The following KIF13B variants were observed in gnomAD, a reference collection of about 807,000 sequenced individuals.
The protein encoded by KIF13B is kinesin family member 13B.
A neutral mutation model predicts 222.0 loss-of-function variants in KIF13B; 127 were observed. The ratio of observed to expected loss-of-function variants is 0.57; its 90% confidence interval spans 0.50 to 0.66. The LOEUF (loss-of-function observed/expected upper bound fraction) is 0.66. Ranked by LOEUF, KIF13B falls within the 30% of genes least tolerant of loss-of-function variation. The probability of loss-of-function intolerance (pLI) is 0.00; values close to 1 mark genes in which losing one functional copy is unlikely to be tolerated. For synonymous variants in KIF13B, 976 were observed against 919.0 expected (o/e 1.06, Z -1.12); for missense variants, 2,173 against 2,379.0 (o/e 0.91, Z 1.80).
At chr8:29,084,790 A>C (rs2133518148) in intron 37 of KIF13B, among the ~76,000 whole-genome samples, 1 of 152,326 alleles carries the variant, frequency 6.6e-6, no homozygotes, top group East Asian at 1.9e-4. Context: ...TCCTTCAATT[A>C]TTTTATGTGC....
In KIF13B at chr8:29,096,293, CTTTTTT is replaced by C. The variant is rs61008499; in HGVS notation, c.4324+2834_4324+2839del. Among the ~76,000 whole-genome samples, 258 of 76,722 alleles carry C rather than the reference CTTTTTT, an allele frequency of 3.4e-3. 2 individuals carry two copies. Among genetic ancestry groups the C allele is most frequent in the African/African-American group, 9.2e-3 (221 of 23,954 alleles). The allele number at this position is 76,722 out of a possible 152,430, so 50.3% of individuals were successfully genotyped here. A position where few individuals can be genotyped will look rare whatever the true frequency, so the allele number is the denominator to read the frequency against. On this transcript the variant is annotated intron_variant, in intron 36 of 39. Transcript: ENST00000524189. ...GCCACTGCACCCAGCCCAAGCTTTT[CTTTTTT>C]TTTTTTTTTTTTTTTTTTGAGAAAG...
At position 29,072,251 on chromosome 8, in the gene KIF13B, G is replaced by A. The variant is rs375860013; in HGVS notation, c.4587C>T (p.Cys1529=). The A allele has an allele frequency of 1.3e-4, 194 of 1,470,162 alleles. No homozygotes were observed. The highest frequency in any genetic ancestry group is 1.6e-4 in the East Asian group (6 of 36,688). 91.1% of individuals were successfully genotyped at this position (1,470,162 alleles called of 1,614,324 possible). A position where few individuals can be genotyped will look rare whatever the true frequency, so the allele number is the denominator to read the frequency against. ...QTMGAPALKI[C]DKPAKVPSPP... ...GGGAAGGCACTTTGGCAGGTTTGTC[G>A]CAGATCTTCAAGGCCGGGGCCCCCA... is the stretch of plus-strand genomic sequence containing the variant. Residue 1529 remains cysteine (C), a synonymous_variant, in exon 39 of 40, where the codon TGC becomes TGT. Transcript: ENST00000524189.
intron 21 of KIF13B, among the ~76,000 whole-genome samples, chr8:29,139,007 G>A (rs1053008209): frequency 6.6e-6 from 1 of 152,136 alleles, no homozygotes; most frequent in Non-Finnish European, 1.5e-5. Flanking sequence ...TTACAGATAA[G>A]ATATGATGCT....
chr8:29,222,393 A>T (rs1163645859), intron 2 of KIF13B, among the ~76,000 whole-genome samples: 2 of 152,000 alleles, frequency 1.3e-5, no homozygotes, highest in African/African-American at 4.8e-5. Context: ...CTTTAACATC[A>T]AACATTATTT....
Position 29,160,824 on chromosome 8 carries a change from G to C in KIF13B, c.1313C>G (p.Ser438Cys). The change falls in exon 13 of 40, where the codon TCT becomes TGT. Residue 438 changes from serine (S) to cysteine (C), a missense_variant. Coordinates refer to ENST00000524189, the MANE Select transcript of KIF13B (RefSeq NM_015254.4). ...QLESLGISLQ[S>C]SGIKVGDDKC... Reference sequence around the variant, plus strand: ...ATCATCCCCAACTTTGATTCCCGAAGACTGAAGAGATATTCCAAGACTCTC... The same window carrying C: ...ATCATCCCCAACTTTGATTCCCGAACACTGAAGAGATATTCCAAGACTCTC... 1 of 1,613,362 alleles carries C rather than the reference G, an allele frequency of 6.2e-7. No homozygotes were observed.
chr8:29,106,578 G>A (rs1809078786), intron 35 of KIF13B, among the ~76,000 whole-genome samples: 1 of 135,558 alleles, frequency 7.4e-6, no homozygotes, highest in African/African-American at 2.8e-5. Context: ...GTTGCAGTGA[G>A]CTGAGATGCT....
chr8:29,075,235 C>T, intron 38 of KIF13B, 46 bp downstream of exon 38: 1 of 1,513,662 alleles, frequency 6.6e-7, no homozygotes, highest in Non-Finnish European at 9.0e-7. Flanking sequence ...TCAGGGCCAC[C>T]TGCTCGCTGT....
At position 29,070,756 on chromosome 8, in the gene KIF13B, G is replaced by A. The variant is rs745488043; in HGVS notation, c.5229C>T (p.Asp1743=). 3.8e-6 allele frequency: 6 copies of A among 1,587,916 alleles called. No individual in the cohort carries two copies. Among genetic ancestry groups the A allele is most frequent in the East Asian group, 2.3e-5 (1 of 43,584 alleles). Residue 1743 remains aspartate, a synonymous_variant, in exon 40 of 40, where the codon GAC becomes GAT. Coordinates refer to ENST00000524189, the MANE Select transcript of KIF13B (RefSeq NM_015254.4). This position sits in a 1 kb window ranked among gnomAD's most constrained non-coding sequence, Gnocchi z 4.1. ...VELDLPSGKN[D]GSIGGKQYFR... ...AGTACTGCTTCCCGCCGATGGAACC[G>A]TCATTCTTACCTGCGGGGGAAGGAG...
At chr8:29,159,456 A>G (rs1811677406) in intron 13 of KIF13B, among the ~76,000 whole-genome samples, 1 of 152,094 alleles carries the variant, frequency 6.6e-6, no homozygotes, top group Non-Finnish European at 1.5e-5. Flanking sequence ...AGCCAATAAT[A>G]TATCATTTTT....
At chr8:29,255,701 A>C (rs1816449097) in intron 1 of KIF13B, among the ~76,000 whole-genome samples, 1 of 152,074 alleles carries the variant, frequency 6.6e-6, no homozygotes, top group Admixed American at 6.6e-5. Context: ...TCCTCAGCCC[A>C]CTGCCAATGC....
chr8:29,245,359 T>C lies in KIF13B; in HGVS notation c.136A>G (p.Lys46Glu). 1 of 1,595,852 alleles carries C rather than the reference T, an allele frequency of 6.3e-7. No individual in the cohort carries two copies. Among genetic ancestry groups the C allele is most frequent in the Non-Finnish European group, 8.5e-7 (1 of 1,169,814 alleles). ...ILNPVNTNLS[K>E]GDARGQPKVF... ...TTCTTAACTCACCGGGCATCTCCTTTGGAAAGATTCGTATTTACAGGATTA... is the reference window on the plus strand; with the variant it reads ...TTCTTAACTCACCGGGCATCTCCTTCGGAAAGATTCGTATTTACAGGATTA... The change falls in exon 2 of 40, where the codon AAA becomes GAA. Residue 46 changes from lysine (K) to glutamate (E), a missense_variant. Lys to Glu is a moderately conservative substitution (Grantham distance 56). Transcript: ENST00000524189.
intron 37 of KIF13B, among the ~76,000 whole-genome samples, chr8:29,077,905 C>T (rs1024842840): frequency 2.8e-4 from 43 of 152,176 alleles, no homozygotes; most frequent in East Asian, 1.2e-3. Context: ...GCTTTGCTCT[C>T]AACAGATGGG....
Position 29,113,536 on chromosome 8 carries a change from A to G in KIF13B, c.3857T>C (p.Leu1286Pro), listed in dbSNP as rs564745975. The change falls in exon 32 of 40, where the codon CTA becomes CCA. Residue 1286 changes from leucine (L) to proline (P), a missense_variant. Physicochemically the swap from Leu to Pro is moderately conservative, Grantham distance 98. Around this residue, in one of 2 missense-constraint regions of KIF13B, gnomAD observed 1,480 missense variants for 1,722.8 expected, o/e 0.86. Coordinates refer to ENST00000524189, the MANE Select transcript of KIF13B (RefSeq NM_015254.4). ...AGAACTTCGATGAGACATCTTTTTT[A>G]GGAGACTCTGTGCAAAACCCTAGAG... The part of the protein sequence containing the change: ...HGRQGFAQSL[L>P]KKMSHRSSIP... 1.3e-6 allele frequency: 2 copies of G among 1,585,452 alleles called. No homozygotes were observed. Among genetic ancestry groups the G allele is most frequent in the African/African-American group, 2.7e-5 (2 of 74,474 alleles).
At chr8:29,237,610 A>G (rs1397920914) in intron 2 of KIF13B, among the ~76,000 whole-genome samples, 1 of 152,216 alleles carries the variant, frequency 6.6e-6, no homozygotes, top group Admixed American at 6.5e-5. Flanking sequence ...AGCATGAGCA[A>G]AATAATATTT....
In KIF13B at chr8:29,167,576, C is replaced by CT. The variant is rs777402597; in HGVS notation, c.954_955insA (p.Gly319ArgfsTer3). ...ACCATGGCGGTCTTGCTGTTACCCC[C>CT]GAGGCTGTCCTACAGGAGAAAACAG... On this transcript the variant is annotated frameshift_variant, in exon 11 of 40. Coordinates refer to ENST00000524189, the MANE Select transcript of KIF13B (RefSeq NM_015254.4). LOFTEE classifies it high-confidence loss of function. 1 of 1,613,772 alleles carries CT rather than the reference C, an allele frequency of 6.2e-7. No homozygotes were observed. The highest frequency in any genetic ancestry group is 1.7e-5 in the Admixed American group (1 of 60,024).
chr8:29,196,161 A>G, intron 3 of KIF13B, 26 bp downstream of exon 3: 2 of 1,554,420 alleles, frequency 1.3e-6, no homozygotes, highest in South Asian at 2.4e-5. Context: ...CTTTACAAGC[A>G]TCACATAACA....
intron 23 of KIF13B, among the ~76,000 whole-genome samples, chr8:29,131,965 A>G (rs1281683442): frequency 7.2e-5 from 11 of 152,194 alleles, no homozygotes; most frequent in Non-Finnish European, 1.5e-4. Flanking sequence ...AATGGAATCT[A>G]GCCAGGCATG....
At position 29,098,170 on chromosome 8, in the gene KIF13B, C is replaced by CAAAAAAAAAAAAAAAAAAAAAAAA. The variant is rs147089450; in HGVS notation, c.4324+962_4324+963insTTTTTTTTTTTTTTTTTTTTTTTT. 2.1e-3 allele frequency among the ~76,000 whole-genome samples: 63 copies of CAAAAAAAAAAAAAAAAAAAAAAAA among 30,302 alleles called. 6 individuals carry two copies. The highest frequency in any genetic ancestry group is 2.5e-3 in the Non-Finnish European group (43 of 17,076). 19.9% of individuals were successfully genotyped at this position (30,302 alleles called of 152,430 possible). On this transcript the variant is annotated intron_variant, in intron 36 of 39. Coordinates refer to ENST00000524189, the MANE Select transcript of KIF13B (RefSeq NM_015254.4). Reference sequence around the variant, plus strand: ...TGGGCGACAGAGTCAGACTCCATCTCAAAAAAAAAAAAAAAAAAAAGTAAG... The same window carrying CAAAAAAAAAAAAAAAAAAAAAAAA: ...TGGGCGACAGAGTCAGACTCCATCTCAAAAAAAAAAAAAAAAAAAAAAAAAAAAAAAAAAAAAAAAAAAAGTAAG...
intron 37 of KIF13B, among the ~76,000 whole-genome samples, chr8:29,085,017 T>C (rs1174879706): frequency 6.6e-6 from 1 of 152,388 alleles, no homozygotes; most frequent in South Asian, 2.1e-4. Flanking sequence ...TAAGTCCTTA[T>C]GAATATGTTC....
Sources: gnomAD v4.1 joint callset for allele counts (sites outside exome capture counted in the v4.1 genomes callset) on GRCh38, gnomAD v4.1.1 for gene constraint, gnomAD v4.1.1 regional missense constraint, Gnocchi (gnomAD v3.1) non-coding constraint, MANE v1.5 for transcripts, NCBI Gene and HGNC (gene_info 2026-07-23, HGNC 2026-07-21) for gene names.